TBC1D22A: variants seen among roughly 807,000 people sequenced by gnomAD.
TBC1D22A encodes TBC1 domain family member 22A.
A neutral mutation model predicts 60.2 loss-of-function variants in TBC1D22A; 38 were observed. The observed-to-expected ratio is 0.63, with a 90% CI of 0.49 to 0.83. The LOEUF is 0.83. Among genes scored for constraint, TBC1D22A ranks in the 40% least tolerant of loss-of-function variants. The pLI is 0.00. For synonymous variants in TBC1D22A, 302 were observed against 281.7 expected (o/e 1.07, Z -0.72); for missense variants, 628 against 701.0 (o/e 0.90, Z 1.18).
chr22:46,950,031 G>A (rs973027393), intron 8 of TBC1D22A, among the ~76,000 whole-genome samples: 1 of 152,168 alleles, frequency 6.6e-6, no homozygotes, highest in Non-Finnish European at 1.5e-5. Context: ...TTTTTGAAAA[G>A]GGTCGCCTTG....
intron 7 of TBC1D22A, among the ~76,000 whole-genome samples, chr22:46,899,846 A>T (rs2068887188): frequency 6.6e-6 from 1 of 152,050 alleles, no homozygotes; most frequent in Non-Finnish European, 1.5e-5. Flanking sequence ...ATGGTTGTAT[A>T]CTTAGCTGTA....
chr22:46,992,844 T>C (rs470060), intron 9 of TBC1D22A, among the ~76,000 whole-genome samples: 63,541 of 151,614 alleles, frequency 0.42, 14,837 homozygotes, highest in African/African-American at 0.64. Context: ...CCCGAGAGGA[T>C]GTGGAAGGGA....
At position 47,042,426 on chromosome 22, in the gene TBC1D22A, GA is replaced by G. The variant is rs1342272704; in HGVS notation, c.1329+5229del. ...TGAGAGAGAGAGAGAGAGAGGAAGAGAGAGGAGAGAGAGAGAGAATATGAAT... is the reference window on the plus strand; with the variant it reads ...TGAGAGAGAGAGAGAGAGAGGAAGAGGAGGAGAGAGAGAGAGAATATGAAT... On this transcript the variant is annotated intron_variant, in intron 11 of 12. Transcript: ENST00000337137. Among the ~76,000 whole-genome samples, 19 of 87,088 alleles carry G rather than the reference GA, an allele frequency of 2.2e-4. 1 individual carries two copies. Among genetic ancestry groups the G allele is most frequent in the South Asian group, 1.0e-3 (3 of 2,958 alleles). 57.1% of individuals were successfully genotyped at this position (87,088 alleles called of 152,430 possible).
chr22:47,007,587 G>A (rs896540078), intron 10 of TBC1D22A, among the ~76,000 whole-genome samples: 2 of 152,114 alleles, frequency 1.3e-5, no homozygotes, highest in Non-Finnish European at 2.9e-5. Flanking sequence ...GATGGTTCTA[G>A]CTGCTTTGGT....
intron 4 of TBC1D22A, among the ~76,000 whole-genome samples, chr22:46,877,769 T>C (rs188480015): frequency 6.6e-6 from 1 of 152,376 alleles, no homozygotes; most frequent in African/African-American, 2.4e-5. Context: ...GATTCCTAAC[T>C]TAAAGGAAAG....
intron 4 of TBC1D22A, among the ~76,000 whole-genome samples, chr22:46,810,768 T>G (rs1015992453): frequency 1.3e-5 from 2 of 152,226 alleles, no homozygotes; most frequent in African/African-American, 2.4e-5. Context: ...GGCGAGTTCT[T>G]ATTCTTAGAA....
chr22:46,833,408 G>A (rs930967778), intron 4 of TBC1D22A, among the ~76,000 whole-genome samples: 2 of 152,162 alleles, frequency 1.3e-5, no homozygotes, highest in African/African-American at 2.4e-5. Context: ...TTTCAAGATC[G>A]GCAGTTAGAA....
At chr22:46,914,026 G>C (rs1350630058) in intron 8 of TBC1D22A, 1 of 153,734 alleles carries the variant, frequency 6.5e-6, no homozygotes, top group Non-Finnish European at 1.4e-5. Context: ...GCAGGCACAT[G>C]CACACACACA....
intron 8 of TBC1D22A, among the ~76,000 whole-genome samples, chr22:46,934,755 C>T (rs971285969): frequency 2.0e-5 from 3 of 152,038 alleles, no homozygotes; most frequent in Admixed American, 6.5e-5. Context: ...ATGCGTGCCG[C>T]CCCCGCTCAG....
At chr22:47,010,371 G>C (rs1379760121) in intron 10 of TBC1D22A, among the ~76,000 whole-genome samples, 2 of 152,218 alleles carry the variant, frequency 1.3e-5, no homozygotes, top group Admixed American at 6.5e-5. Context: ...GCTCCAGAAG[G>C]GCAGAGCTGA....
At chr22:47,064,615 C>G (rs533277169) in intron 11 of TBC1D22A, among the ~76,000 whole-genome samples, 1 of 152,228 alleles carries the variant, frequency 6.6e-6, no homozygotes, top group Non-Finnish European at 1.5e-5. Flanking sequence ...AGCACTGCCC[C>G]CTCGTCCTCC....
chr22:46,970,573 T>C (rs2074007865), intron 8 of TBC1D22A, among the ~76,000 whole-genome samples: 1 of 152,178 alleles, frequency 6.6e-6, no homozygotes, highest in Admixed American at 6.5e-5. Flanking sequence ...GCCCCAGCCA[T>C]GGGGCTTCCC....
At chr22:46,929,468 C>A (rs1207320109) in intron 8 of TBC1D22A, among the ~76,000 whole-genome samples, 1 of 152,162 alleles carries the variant, frequency 6.6e-6, no homozygotes, top group Admixed American at 6.5e-5. Flanking sequence ...ATTGGCTTGA[C>A]AGGACAAACA....
chr22:46,913,569 A>G (rs890692819), intron 8 of TBC1D22A: 8 of 1,189,616 alleles, frequency 6.7e-6, no homozygotes, highest in Non-Finnish European at 8.5e-6. Flanking sequence ...TCTCTTAAGT[A>G]GGGGAGAGGC....
intron 4 of TBC1D22A, among the ~76,000 whole-genome samples, chr22:46,806,752 T>C (rs2085157857): frequency 6.6e-6 from 1 of 152,154 alleles, no homozygotes; most frequent in Non-Finnish European, 1.5e-5. Context: ...CACCCAAGCC[T>C]GAGGACAGAG....
At chr22:46,808,548 T>C (rs572389602) in intron 4 of TBC1D22A, among the ~76,000 whole-genome samples, 4 of 152,264 alleles carry the variant, frequency 2.6e-5, no homozygotes, top group South Asian at 2.1e-4. Context: ...CCTGATGTTA[T>C]TGTGTGTGGT....
chr22:46,911,345 G>A lies in TBC1D22A; in HGVS notation c.901-729G>A, dbSNP rs558657648. ...CTTGAATGGTGATACCTTTTCAGAG[G>A]TTTAAAGAAATCTGTTTACTTTATG... On this transcript the variant is annotated intron_variant, in intron 7 of 12. Transcript: ENST00000337137. Among the ~76,000 whole-genome samples the A allele has an allele frequency of 3.9e-5, 6 of 152,288 alleles. No homozygotes were observed. In the South Asian group the frequency reaches 1.2e-3, roughly 32 times the overall value.
At chr22:47,122,993 C>A (rs890584397) in intron 12 of TBC1D22A, among the ~76,000 whole-genome samples, 1 of 152,154 alleles carries the variant, frequency 6.6e-6, no homozygotes, top group Non-Finnish European at 1.5e-5. Context: ...TGGAAGGAGG[C>A]GGAGAGAAGA....
At chr22:46,775,694 G>A (rs2083675360) in intron 1 of TBC1D22A, among the ~76,000 whole-genome samples, 1 of 152,182 alleles carries the variant, frequency 6.6e-6, no homozygotes, top group African/African-American at 2.4e-5. Flanking sequence ...CACTGTAACA[G>A]CTTGTGCATC....
Sources: gnomAD v4.1 joint callset for allele counts (sites outside exome capture counted in the v4.1 genomes callset) on GRCh38, gnomAD v4.1.1 for gene constraint, MANE v1.5 for transcripts, NCBI Gene and HGNC (gene_info 2026-07-23, HGNC 2026-07-21) for gene names.